The following SRPK1 variants were observed in gnomAD, a reference collection of about 807,000 sequenced individuals.
SRPK1 encodes SRSF protein kinase 1.
SRPK1 carries 52 observed loss-of-function variants against 89.5 expected under a neutral mutation model. The ratio of observed to expected loss-of-function variants is 0.58; its 90% CI spans 0.46 to 0.73. The LOEUF (loss-of-function observed/expected upper bound fraction) is 0.73, where lower values mean the gene tolerates loss of function less well. Among genes scored for constraint, SRPK1 ranks in the 30% least tolerant of loss-of-function variants. The pLI is 0.00. For synonymous variants in SRPK1, 255 were observed against 270.2 expected (o/e 0.94, Z 0.55); for missense variants, 603 against 780.6 (o/e 0.77, Z 2.71).
chr6:35,920,041 T>C, intron 2 of SRPK1: 1 of 456,912 alleles, frequency 2.2e-6, no homozygotes, highest in Non-Finnish European at 4.4e-6. Flanking sequence ...GAAAAATTCA[T>C]TCAAGAATTT....
chr6:35,866,618 T>C (rs998224129), intron 12 of SRPK1, among the ~76,000 whole-genome samples: 3 of 151,938 alleles, frequency 2.0e-5, no homozygotes, highest in Admixed American at 1.3e-4. Flanking sequence ...GAAAATAGTA[T>C]GAAAATTTCT....
At chr6:35,912,712 C>T (rs1581601322) in intron 2 of SRPK1, among the ~76,000 whole-genome samples, 1 of 152,138 alleles carries the variant, frequency 6.6e-6, no homozygotes, top group East Asian at 1.9e-4. Flanking sequence ...AAGAGCTTAC[C>T]TAAAGTGGGA....
At chr6:35,920,624 G>C (rs1420351488) in intron 1 of SRPK1, 96 bp from the exon 2 acceptor site, 4 of 1,125,038 alleles carry the variant, frequency 3.6e-6, no homozygotes, top group Non-Finnish European at 3.6e-6. Context: ...GCCCGGCTGC[G>C]GGGCCTGCCT....
chr6:35,882,559 T>C (rs1287774024), intron 6 of SRPK1, among the ~76,000 whole-genome samples: 1 of 151,942 alleles, frequency 6.6e-6, no homozygotes, highest in African/African-American at 2.4e-5. Context: ...CTTTGCAAGG[T>C]GCTGGGATTA....
chr6:35,888,755 TCAGA>T, intron 4 of SRPK1, 56 bp downstream of exon 4: 8 of 1,126,822 alleles, frequency 7.1e-6, no homozygotes, highest in Non-Finnish European at 1.1e-5. Flanking sequence ...CAGTGGAAAC[TCAGA>T]CAAACACATT....
At chr6:35,841,876 GTTCA>G (rs1013215429) in intron 14 of SRPK1, among the ~76,000 whole-genome samples, 4 of 139,424 alleles carry the variant, frequency 2.9e-5, no homozygotes, top group East Asian at 2.1e-4. Flanking sequence ...CATTTTGTTT[GTTCA>G]TTCAAATTAT....
intron 12 of SRPK1, among the ~76,000 whole-genome samples, chr6:35,863,475 T>C (rs994998344): frequency 1.1e-4 from 16 of 150,700 alleles, no homozygotes; most frequent in Admixed American, 9.9e-4. Context: ...AAAAAATTAA[T>C]TAATTAATTA....
intron 2 of SRPK1, among the ~76,000 whole-genome samples, chr6:35,894,468 T>C (rs1013433175): frequency 2.0e-5 from 3 of 151,874 alleles, no homozygotes; most frequent in African/African-American, 7.3e-5. Context: ...AACCAGAAGT[T>C]CCCACATCTG....
chr6:35,872,594 T>A lies in SRPK1; in HGVS notation c.720A>T (p.Arg240=). 1 of 1,610,700 alleles carries A rather than the reference T, an allele frequency of 6.2e-7. No individual in the cohort carries two copies. The highest frequency in any genetic ancestry group is 8.5e-7 in the Non-Finnish European group (1 of 1,178,662). Residue 240 remains arginine, a synonymous_variant, in exon 8 of 16, where the codon CGA becomes CGT. Coordinates refer to ENST00000373825, the MANE Select transcript of SRPK1 (RefSeq NM_003137.5). ...ATCCGGAAGGCGGAGGAGCTCCAGA[T>A]CGCTGCCATTCTGTTGCTTCTGCAG... ...RLAAEATEWQ[R]SGAPPPSGSA... is the part of the protein sequence containing the mutation.
At chr6:35,858,519 C>T (rs534068980) in intron 12 of SRPK1, among the ~76,000 whole-genome samples, 21 of 152,258 alleles carry the variant, frequency 1.4e-4, no homozygotes, top group Middle Eastern at 6.8e-3. Context: ...AGAATGGCAT[C>T]GGTCTTTAGT....
chr6:35,869,460 G>A (rs1230387002), intron 11 of SRPK1, 22 bp downstream of exon 11: 2 of 1,603,630 alleles, frequency 1.2e-6, no homozygotes, highest in Non-Finnish European at 1.7e-6. Flanking sequence ...GGAGTGTTGA[G>A]GAAGTATAGC....
rs746204248 is a variant in SRPK1 at position 35,868,984 on chromosome 6, AC to A, written c.1512+25del. ...CATTCATCCTCCCAGTCACTTCAAAACACCATTAAGGCAAGTTTAACTTACC... is the reference window on the plus strand; with the variant it reads ...CATTCATCCTCCCAGTCACTTCAAAAACCATTAAGGCAAGTTTAACTTACC... On this transcript the variant is annotated intron_variant, in intron 12 of 15. Transcript: ENST00000373825. 174 of 1,594,820 alleles carry A rather than the reference AC, an allele frequency of 1.1e-4. 1 individual carries two copies. In the Middle Eastern group the frequency reaches 1.5e-3, roughly 14 times the overall value.
intron 13 of SRPK1, 137 bp from the exon 14 acceptor site, chr6:35,842,741 AC>A (rs949137453): frequency 4.9e-4 from 249 of 510,684 alleles, no homozygotes; most frequent in Non-Finnish European, 6.2e-4. Context: ...AAAAAAAAAA[AC>A]AAAAACTTAA....
chr6:35,907,427 T>C (rs1770871541), intron 2 of SRPK1, among the ~76,000 whole-genome samples: 1 of 152,070 alleles, frequency 6.6e-6, no homozygotes, highest in Non-Finnish European at 1.5e-5. Flanking sequence ...GGAGTGAGGC[T>C]GGGCGCGATG....
rs756499675 is a variant in SRPK1, at chr6:35,834,491, C to T, written c.*813G>A. On this transcript the variant is annotated 3_prime_UTR_variant, in exon 16 of 16. Coordinates refer to ENST00000373825, the MANE Select transcript of SRPK1 (RefSeq NM_003137.5). The stretch of plus-strand genomic sequence containing the variant: ...TCAAGTGCAATGAGTAAAGTGCCAG[C>T]CATGGATACAAAAACAAAAAATAAA... 16 of 152,000 alleles carry T rather than the reference C, an allele frequency of 1.1e-4. No homozygotes were observed. Among genetic ancestry groups the T allele is most frequent in the Non-Finnish European group, 1.9e-4 (13 of 68,014 alleles). 9.4% of individuals were successfully genotyped at this position (152,000 alleles called of 1,614,324 possible). A position where few individuals can be genotyped will look rare whatever the true frequency, so the allele number is the denominator to read the frequency against.
intron 13 of SRPK1, among the ~76,000 whole-genome samples, chr6:35,845,226 A>G (rs951932349): frequency 6.6e-6 from 1 of 152,214 alleles, no homozygotes; most frequent in African/African-American, 2.4e-5. Context: ...AAAACTTCTA[A>G]AAGAGTGAAA....
chr6:35,886,600 A>ATT, intron 6 of SRPK1, 124 bp downstream of exon 6: 1 of 685,964 alleles, frequency 1.5e-6, no homozygotes, highest in South Asian at 1.6e-5. Flanking sequence ...GAAGTGTACA[A>ATT]TAAAAGAGGT....
At chr6:35,915,421 A>G (rs1285154553) in intron 2 of SRPK1, among the ~76,000 whole-genome samples, 4 of 151,782 alleles carry the variant, frequency 2.6e-5, no homozygotes, top group Admixed American at 6.6e-5. Flanking sequence ...AAAAAAAAAA[A>G]AAAGAAAAAT....
intron 12 of SRPK1, among the ~76,000 whole-genome samples, chr6:35,860,969 G>T (rs564835200): frequency 2.6e-5 from 4 of 152,260 alleles, no homozygotes; most frequent in African/African-American, 9.6e-5. Context: ...CTCTTTGCTT[G>T]GTGGTGTGTG....
Sources: allele counts gnomAD v4.1 joint callset (sites outside exome capture counted in the v4.1 genomes callset), GRCh38; gene constraint gnomAD v4.1.1; transcripts MANE v1.5; gene names NCBI Gene and HGNC (gene_info 2026-07-23, HGNC 2026-07-21).